NOP58: variants seen among roughly 807,000 people sequenced by gnomAD.
NOP58 encodes nucleolar protein 58.
In NOP58, 44 loss-of-function variants were observed where a neutral mutation model predicts 71.2. That is an observed-to-expected ratio of 0.62 (90% CI 0.49 to 0.79). The LOEUF is 0.79. NOP58 is among the 30% of genes least tolerant of loss of function. The probability of loss-of-function intolerance (pLI) is 0.00; values close to 1 mark genes in which losing one functional copy is unlikely to be tolerated. For missense variants in NOP58, 538 were observed against 620.2 expected (o/e 0.87, Z 1.41); for synonymous variants, 228 against 200.3 (o/e 1.14, Z -1.17).
chr2:202,286,038 CG>C (rs1688779476), intron 5 of NOP58, among the ~76,000 whole-genome samples: 1 of 151,792 alleles, frequency 6.6e-6, no homozygotes, highest in African/African-American at 2.4e-5. Context: ...AAAAATTAGC[CG>C]GGCACAGTGG....
At chr2:202,299,238 G>A (rs758829188) in intron 12 of NOP58, among the ~76,000 whole-genome samples, 5 of 152,070 alleles carry the variant, frequency 3.3e-5, no homozygotes, top group Non-Finnish European at 7.4e-5. Context: ...GATTACAGGC[G>A]TGAGCCACAG....
At chr2:202,300,414 G>C (rs1274199136) in intron 13 of NOP58, 47 bp downstream of exon 13, 19 of 1,484,144 alleles carry the variant, frequency 1.3e-5, no homozygotes, top group Non-Finnish European at 1.7e-5. Context: ...CACTTCTTTA[G>C]AACTGTGGAT....
intron 1 of NOP58, among the ~76,000 whole-genome samples, chr2:202,267,757 A>G (rs745622116): frequency 6.6e-6 from 1 of 152,180 alleles, no homozygotes; most frequent in Non-Finnish European, 1.5e-5. Flanking sequence ...TGGCTTATCA[A>G]TGGTCGGATT....
chr2:202,283,298 C>T (rs932904821), intron 4 of NOP58, among the ~76,000 whole-genome samples: 1 of 152,016 alleles, frequency 6.6e-6, no homozygotes, highest in Non-Finnish European at 1.5e-5. Context: ...GGCATGATCT[C>T]GGCTCACTGC....
At position 202,275,197 on chromosome 2, in the gene NOP58, C is replaced by T. The variant is rs1299434278; in HGVS notation, c.122+8C>T. 2 of 1,419,846 alleles carry T rather than the reference C, an allele frequency of 1.4e-6. No individual in the cohort carries two copies. The highest frequency in any genetic ancestry group is 2.3e-5 in the East Asian group (1 of 43,820). The allele number at this position is 1,419,846 out of a possible 1,614,324, so 88.0% of individuals were successfully genotyped here. On this transcript the variant is annotated splice_region_variant and intron_variant, in intron 2 of 14. Coordinates refer to ENST00000264279, the MANE Select transcript of NOP58 (RefSeq NM_015934.5). ...AGAGAAAGCAAACAAAATGTAAGTA[C>T]TCTTGAAATCAATAATTTAGCAGTT...
Position 202,297,780 on chromosome 2 carries a change from G to A in NOP58, c.1207-65G>A, listed in dbSNP as rs577933859. On this transcript the variant is annotated intron_variant, in intron 11 of 14. Coordinates refer to ENST00000264279, the MANE Select transcript of NOP58 (RefSeq NM_015934.5). ...TGCTGGCCCACTGATTCACTAGACT[G>A]TATAGTGTATTATAAAGAGATTATG... The A allele has an allele frequency of 2.0e-4, 204 of 995,156 alleles. No individual in the cohort carries two copies. The African/African-American group carries it at 3.1e-3, about 15-fold the overall frequency. The allele number at this position is 995,156 out of a possible 1,614,324, so 61.6% of individuals were successfully genotyped here.
intron 8 of NOP58, 118 bp from the exon 9 acceptor site, chr2:202,292,659 C>T (rs1446538323): frequency 1.3e-5 from 10 of 766,606 alleles, no homozygotes; most frequent in Non-Finnish European, 2.0e-5. Flanking sequence ...GTGATGTACC[C>T]AGTACCCAGG....
chr2:202,296,313 C>T (rs180835803), intron 10 of NOP58, among the ~76,000 whole-genome samples: 4 of 152,172 alleles, frequency 2.6e-5, no homozygotes, highest in Non-Finnish European at 4.4e-5. Context: ...CTCCTGCCTC[C>T]CTGCCTCAGC....
At position 202,299,645 on chromosome 2, in the gene NOP58, T is replaced by G. The variant is rs186808471; in HGVS notation, c.1269-589T>G. Reference sequence around the variant, plus strand: ...TCCTGTGCAATTAGTACTTTTTACTTTAAACATATGCACTTAAAGCATCCA... The same window carrying G: ...TCCTGTGCAATTAGTACTTTTTACTGTAAACATATGCACTTAAAGCATCCA... On this transcript the variant is annotated intron_variant, in intron 12 of 14. Transcript: ENST00000264279. Among the ~76,000 whole-genome samples the G allele has an allele frequency of 6.7e-5, 10 of 149,638 alleles. No individual in the cohort carries two copies. The East Asian group carries it at 1.8e-3, about 27-fold the overall frequency.
At chr2:202,293,282 A>G (rs1020094954) in intron 9 of NOP58, 29 of 350,776 alleles carry the variant, frequency 8.3e-5, no homozygotes, top group South Asian at 4.1e-4. Context: ...GAAAGAAAAA[A>G]AAAAGAAATC....
intron 1 of NOP58, among the ~76,000 whole-genome samples, chr2:202,274,400 A>ATTTT (rs1173477305): frequency 2.7e-3 from 282 of 104,598 alleles, no homozygotes; most frequent in African/African-American, 3.2e-3. Context: ...CTAATTTTGT[A>ATTTT]TTTTTTTTTT....
chr2:202,287,541 A>T, intron 5 of NOP58, 119 bp from the exon 6 acceptor site: 1 of 677,406 alleles, frequency 1.5e-6, no homozygotes, highest in Non-Finnish European at 2.5e-6. Context: ...AAAACCAATT[A>T]CAGCTCTGAC....
intron 1 of NOP58, among the ~76,000 whole-genome samples, chr2:202,266,944 A>C (rs555174973): frequency 6.6e-6 from 1 of 151,476 alleles, no homozygotes; most frequent in African/African-American, 2.4e-5. Flanking sequence ...AGTTGTGTAG[A>C]TCGGGCAGTT....
Position 202,300,224 on chromosome 2 carries a change from G to T in NOP58, c.1269-10G>T. The stretch of plus-strand genomic sequence containing the variant: ...GTTAGAGATTTTCTAAAACTTTTTG[G>T]GTCTTTCAGTGAAGTGAAGACTTAC... On this transcript the variant is annotated splice_polypyrimidine_tract_variant and intron_variant, in intron 12 of 14. Transcript: ENST00000264279. 1 of 1,568,798 alleles carries T rather than the reference G, an allele frequency of 6.4e-7. No homozygotes were observed. The highest frequency in any genetic ancestry group is 1.4e-5 in the African/African-American group (1 of 71,712).
In NOP58 at chr2:202,284,368, C is replaced by T. The variant is rs762525171; in HGVS notation, c.321C>T (p.Ile107=). Residue 107 remains isoleucine, a synonymous_variant, in exon 5 of 15, where the codon ATC becomes ATT. Coordinates refer to ENST00000264279, the MANE Select transcript of NOP58 (RefSeq NM_015934.5). The stretch of plus-strand genomic sequence containing the variant: ...AGGAAAAGCTGAATCTCAGTTGTAT[C>T]CATAGTCCTGTTGTTAATGAACTTA... ...VIKEKLNLSC[I]HSPVVNELMR... The T allele has an allele frequency of 1.9e-6, 3 of 1,611,764 alleles. No homozygotes were observed. Among genetic ancestry groups the T allele is most frequent in the South Asian group, 1.1e-5 (1 of 90,938 alleles).
intron 13 of NOP58, 138 bp downstream of exon 13, chr2:202,300,505 A>G: frequency 1.5e-6 from 1 of 647,744 alleles, no homozygotes; most frequent in Non-Finnish European, 2.6e-6. Flanking sequence ...TAATAATGCC[A>G]TTATGTTCTC....
intron 3 of NOP58, chr2:202,278,270 G>A: frequency 1.8e-6 from 1 of 566,294 alleles, no homozygotes; most frequent in Non-Finnish European, 3.5e-6. Context: ...TCTCCCTGTG[G>A]AAACCAGCAA....
intron 7 of NOP58, among the ~76,000 whole-genome samples, chr2:202,290,680 G>A (rs1484969371): frequency 1.3e-5 from 2 of 152,156 alleles, no homozygotes. Context: ...ATGCTAAATA[G>A]CAGTATTGCC....
intron 1 of NOP58, among the ~76,000 whole-genome samples, chr2:202,274,214 G>GT (rs752095128): frequency 2.6e-5 from 4 of 151,574 alleles, no homozygotes; most frequent in Admixed American, 2.0e-4. Context: ...GTAGACAAAA[G>GT]TTTTTTTTGT....
Sources: allele counts gnomAD v4.1 joint callset (sites outside exome capture counted in the v4.1 genomes callset), GRCh38; gene constraint gnomAD v4.1.1; transcripts MANE v1.5; gene names NCBI Gene and HGNC (gene_info 2026-07-23, HGNC 2026-07-21).